Variants in GNPTG observed in about 807,000 individuals in gnomAD.
GNPTG encodes the protein N-acetylglucosamine-1-phosphotransferase subunit gamma.
A neutral mutation model predicts 43.8 loss-of-function variants in GNPTG; 46 were observed. The observed-to-expected ratio is 1.05, with a 90% CI of 0.83 to 1.34. GNPTG has a LOEUF of 1.34. Among genes scored for constraint, GNPTG ranks in the 40% most tolerant of loss-of-function variants. The pLI is 0.00. For synonymous variants in GNPTG, 250 were observed against 172.8 expected (o/e 1.45, Z -3.50); for missense variants, 549 against 411.3 (o/e 1.33, Z -2.90).
At chr16:1,360,663 G>C (rs188017200) in intron 3 of GNPTG, 1 of 152,230 alleles carries the variant, frequency 6.6e-6, no homozygotes, top group Admixed American at 6.5e-5. Context: ...AGCTGAGGTG[G>C]AACAGTTTCA....
At chr16:1,358,131 T>G (rs192670961) in intron 3 of GNPTG, 1 of 152,316 alleles carries the variant, frequency 6.6e-6, no homozygotes, top group African/African-American at 2.4e-5. Flanking sequence ...TACACGCCCT[T>G]GCTCTAGCAC....
intron 3 of GNPTG, among the ~76,000 whole-genome samples, chr16:1,354,230 T>A (rs943144081): frequency 6.6e-6 from 1 of 151,836 alleles, no homozygotes; most frequent in Non-Finnish European, 1.5e-5. Context: ...CCCCTTCCAG[T>A]AGGAGAGAGG....
chr16:1,354,951 G>A (rs1287820278), intron 3 of GNPTG, among the ~76,000 whole-genome samples: 4 of 151,174 alleles, frequency 2.6e-5, no homozygotes, highest in African/African-American at 9.7e-5. Context: ...GGGGCCGGGC[G>A]TGGAAAGTCC....
chr16:1,362,772 C>A, intron 9 of GNPTG, 30 bp downstream of exon 9: 1 of 1,614,134 alleles, frequency 6.2e-7, no homozygotes, highest in Non-Finnish European at 8.5e-7. Context: ...TGGTGGCACG[C>A]AGTAGCCCTC....
At chr16:1,355,933 G>A (rs2034766849) in intron 3 of GNPTG, among the ~76,000 whole-genome samples, 1 of 152,124 alleles carries the variant, frequency 6.6e-6, no homozygotes. Flanking sequence ...GGTCACGGTG[G>A]GCACAGGACT....
Position 1,363,646 on chromosome 16 carries a change from G to A in GNPTG, c.*555G>A, listed in dbSNP as rs1453352877. 1.1e-5 allele frequency: 2 copies of A among 188,902 alleles called. No individual in the cohort carries two copies. The highest frequency in any genetic ancestry group is 2.2e-5 in the Non-Finnish European group (2 of 89,664). 11.7% of individuals were successfully genotyped at this position (188,902 alleles called of 1,614,324 possible). A position where few individuals can be genotyped will look rare whatever the true frequency, so the allele number is the denominator to read the frequency against. Reference sequence around the variant, plus strand: ...GCGCCTCCACCTCAGCCTCCACGGGGCACCTTCCAGCCACTGCTGTGCCTC... The same window carrying A: ...GCGCCTCCACCTCAGCCTCCACGGGACACCTTCCAGCCACTGCTGTGCCTC... On this transcript the variant is annotated 3_prime_UTR_variant, in exon 11 of 11. Coordinates refer to ENST00000204679, the MANE Select transcript of GNPTG (RefSeq NM_032520.5).
chr16:1,355,228 T>C (rs1452402843), intron 3 of GNPTG, among the ~76,000 whole-genome samples: 1 of 152,160 alleles, frequency 6.6e-6, no homozygotes, highest in East Asian at 1.9e-4. Context: ...CCTGCGTCTG[T>C]GGGGTCGGGT....
rs1469731778 is a variant in GNPTG at position 1,363,873 on chromosome 16, C to T, written c.*782C>T. On this transcript the variant is annotated 3_prime_UTR_variant, in exon 11 of 11. Transcript: ENST00000204679. ...GCCACCTCCATCTCCCAGCTGTCCC[C>T]CCACCCCTGGGGCTCCCCAGCTCTA... is the stretch of plus-strand genomic sequence containing the variant. 3 of 152,630 alleles carry T rather than the reference C, an allele frequency of 2.0e-5. No individual in the cohort carries two copies. The highest frequency in any genetic ancestry group is 1.9e-4 in the East Asian group (1 of 5,182). The allele number at this position is 152,630 out of a possible 1,614,324, so 9.5% of individuals were successfully genotyped here. A position where few individuals can be genotyped will look rare whatever the true frequency, so the allele number is the denominator to read the frequency against.
intron 3 of GNPTG, chr16:1,361,437 G>C (rs907705998): frequency 2.7e-6 from 1 of 373,370 alleles, no homozygotes; most frequent in South Asian, 2.2e-5. Flanking sequence ...GAGGTCAGGA[G>C]ATCGAGACCA....
Position 1,363,605 on chromosome 16 carries a change from G to T in GNPTG, c.*514G>T, listed in dbSNP as rs546732886. 1.8e-3 allele frequency: 381 copies of T among 210,720 alleles called. 2 individuals are homozygous for T. Among genetic ancestry groups the T allele is most frequent in the African/African-American group, 8.2e-3 (347 of 42,340 alleles). The allele number at this position is 210,720 out of a possible 1,614,324, so 13.1% of individuals were successfully genotyped here. On this transcript the variant is annotated 3_prime_UTR_variant, in exon 11 of 11. Transcript: ENST00000204679. ...CGCCCCGTGCCCGCCATGGCCACAG[G>T]GGGGAGCTGCTGGGCGCGCCTCCAC...
chr16:1,354,263 G>A (rs528336517), intron 3 of GNPTG, among the ~76,000 whole-genome samples: 80 of 152,188 alleles, frequency 5.3e-4, no homozygotes, highest in African/African-American at 1.8e-3. Flanking sequence ...ATGGGACCAC[G>A]TCTTTTTGGA....
intron 3 of GNPTG, among the ~76,000 whole-genome samples, chr16:1,353,324 G>C (rs1016608731): frequency 1.3e-5 from 2 of 152,152 alleles, no homozygotes; most frequent in African/African-American, 4.8e-5. Flanking sequence ...GTCTGTGCTG[G>C]GGTTGCAGAA....
At chr16:1,361,664 C>T in intron 3 of GNPTG, 79 bp from the exon 4 acceptor site, 2 of 1,509,992 alleles carry the variant, frequency 1.3e-6, no homozygotes, top group Non-Finnish European at 9.2e-7. Context: ...AAAACTGGTC[C>T]TTTGAAAACA....
Position 1,362,436 on chromosome 16 carries a change from T to C in GNPTG, c.527-16T>C, listed in dbSNP as rs745952967. 3.1e-6 allele frequency: 5 copies of C among 1,613,478 alleles called. No individual in the cohort carries two copies. The East Asian group carries it at 6.7e-5, about 22-fold the overall frequency. On this transcript the variant is annotated splice_polypyrimidine_tract_variant and intron_variant, in intron 7 of 10. Coordinates refer to ENST00000204679, the MANE Select transcript of GNPTG (RefSeq NM_032520.5). ...ACATGGGGTGCAGCTGAGCCTGGCTTCTCTTGGGTCCTCAGTGTACCCAAC... is the reference window on the plus strand; with the variant it reads ...ACATGGGGTGCAGCTGAGCCTGGCTCCTCTTGGGTCCTCAGTGTACCCAAC...
intron 6 of GNPTG, 35 bp from the exon 7 acceptor site, chr16:1,362,171 T>A (rs760008789): frequency 1.9e-6 from 3 of 1,612,944 alleles, no homozygotes; most frequent in Non-Finnish European, 1.7e-6. Context: ...GGGGCCCCAG[T>A]CTCCCCAACC....
intron 3 of GNPTG, among the ~76,000 whole-genome samples, chr16:1,355,062 C>T (rs1355248873): frequency 6.6e-6 from 1 of 151,636 alleles, no homozygotes; most frequent in Non-Finnish European, 1.5e-5. Flanking sequence ...TGGTCTGCCG[C>T]GTCTGCGGGG....
At chr16:1,352,374 G>A (rs993827456) in intron 3 of GNPTG, 68 bp downstream of exon 3, 9 of 1,443,914 alleles carry the variant, frequency 6.2e-6, no homozygotes, top group Non-Finnish European at 7.6e-6. Context: ...GAGGATGGAT[G>A]AGTGACCCTG....
intron 3 of GNPTG, among the ~76,000 whole-genome samples, chr16:1,357,487 T>TTAC (rs1407846236): frequency 7.0e-6 from 1 of 141,920 alleles, no homozygotes; most frequent in East Asian, 1.9e-4. Context: ...TTCGACTTTA[T>TTAC]TATTATTATT....
chr16:1,362,289 C>T lies in GNPTG; in HGVS notation c.495C>T (p.Thr165=), dbSNP rs752525561. The T allele has an allele frequency of 1.2e-6, 2 of 1,613,328 alleles. No homozygotes were observed. Among genetic ancestry groups the T allele is most frequent in the Admixed American group, 3.3e-5 (2 of 60,028 alleles). ...STCVYALTFE[T]PLVCHPHALL... ...GCGTCTACGCGCTGACGTTCGAGAC[C>T]CCCCTCGTCTGCCACCCCCACGCCT... Residue 165 remains threonine (T), a synonymous_variant, in exon 7 of 11, where the codon ACC becomes ACT. Coordinates refer to ENST00000204679, the MANE Select transcript of GNPTG (RefSeq NM_032520.5).
Sources: gnomAD v4.1 joint callset for allele counts (sites outside exome capture counted in the v4.1 genomes callset) on GRCh38, gnomAD v4.1.1 for gene constraint, MANE v1.5 for transcripts, NCBI Gene and HGNC (gene_info 2026-07-23, HGNC 2026-07-21) for gene names.